The following ELAPOR2 variants were observed in gnomAD, a reference collection of about 807,000 sequenced individuals.
The protein encoded by ELAPOR2 is endosome/lysosome-associated apoptosis and autophagy regulator family member 2.
Under a neutral mutation model 120.7 loss-of-function variants are expected in ELAPOR2, and 89 were observed. The ratio of observed to expected loss-of-function variants is 0.74; its 90% confidence interval spans 0.62 to 0.88. The LOEUF is 0.88. Ranked by LOEUF, ELAPOR2 falls within the 40% of genes least tolerant of loss-of-function variation. The pLI is 0.00. For synonymous variants in ELAPOR2, 444 were observed against 444.9 expected, an observed-to-expected ratio of 1.00 and a Z score of 0.03; for missense variants, 1,134 against 1,251.6, an observed-to-expected ratio of 0.91 and a Z score of 1.42.
chr7:87,016,191 G>C (rs536265391), intron 1 of ELAPOR2, among the ~76,000 whole-genome samples: 2 of 152,232 alleles, frequency 1.3e-5, no homozygotes, highest in South Asian at 4.1e-4. Flanking sequence ...CTGTATGTTA[G>C]TGTTTATGTG....
intron 1 of ELAPOR2, among the ~76,000 whole-genome samples, chr7:86,993,416 A>G (rs1229990479): frequency 6.6e-6 from 1 of 152,098 alleles, no homozygotes; most frequent in Non-Finnish European, 1.5e-5. Context: ...CTCTAGAGGA[A>G]CAAATAGAGG....
At chr7:86,923,725 A>C (rs1789932133) in intron 10 of ELAPOR2, among the ~76,000 whole-genome samples, 1 of 152,088 alleles carries the variant, frequency 6.6e-6, no homozygotes, top group East Asian at 1.9e-4. Flanking sequence ...ATAATATTTC[A>C]TTCCATTAGG....
rs1584007910 is a variant in ELAPOR2, at chr7:87,024,181, TATG to T, written c.189+35141_189+35143del. Among the ~76,000 whole-genome samples the T allele has an allele frequency of 2.6e-5, 4 of 152,292 alleles. No individual in the cohort carries two copies. In the East Asian group the frequency reaches 7.7e-4, roughly 29 times the overall value. ...ATGCTTCCAGTTTTTGCCCATTCAG[TATG>T]ATATTGGCTGTGAGTTTGTCGTAGA... is the stretch of plus-strand genomic sequence containing the variant. On this transcript the variant is annotated intron_variant, in intron 1 of 21. Coordinates refer to ENST00000450689, the MANE Select transcript of ELAPOR2 (RefSeq NM_001142749.3).
intron 1 of ELAPOR2, among the ~76,000 whole-genome samples, chr7:87,014,833 G>A (rs985506830): frequency 6.6e-6 from 1 of 152,002 alleles, no homozygotes; most frequent in African/African-American, 2.4e-5. Context: ...AAAAACAACT[G>A]CTATGGGAGG....
intron 1 of ELAPOR2, among the ~76,000 whole-genome samples, chr7:87,057,631 C>G (rs1795304453): frequency 6.6e-6 from 1 of 152,170 alleles, no homozygotes; most frequent in African/African-American, 2.4e-5. Context: ...GTGAACCCAG[C>G]CTTCCTGAAC....
At chr7:86,976,701 G>A (rs530995648) in intron 1 of ELAPOR2, among the ~76,000 whole-genome samples, 17 of 152,196 alleles carry the variant, frequency 1.1e-4, no homozygotes, top group African/African-American at 1.9e-4. Flanking sequence ...CAAACCAACC[G>A]TCTACAGAGG....
At chr7:86,940,163 T>C (rs757045365) in intron 5 of ELAPOR2, 48 bp from the exon 6 acceptor site, 30 of 1,139,996 alleles carry the variant, frequency 2.6e-5, no homozygotes, top group Non-Finnish European at 3.7e-5. Context: ...GCCATGCCAT[T>C]TCCAAAAGCT....
chr7:86,904,164 G>A (rs1254410311), intron 18 of ELAPOR2, among the ~76,000 whole-genome samples: 1 of 152,168 alleles, frequency 6.6e-6, no homozygotes, highest in Non-Finnish European at 1.5e-5. Flanking sequence ...TCTTGTGGAT[G>A]CTGTGGCACC....
At chr7:86,951,437 TAC>T (rs1791241140) in intron 2 of ELAPOR2, among the ~76,000 whole-genome samples, 1 of 152,258 alleles carries the variant, frequency 6.6e-6, no homozygotes, top group Non-Finnish European at 1.5e-5. Flanking sequence ...GTCTTCTAAA[TAC>T]AATGATGCCA....
At chr7:87,040,107 C>A (rs1794725261) in intron 1 of ELAPOR2, among the ~76,000 whole-genome samples, 1 of 152,276 alleles carries the variant, frequency 6.6e-6, no homozygotes, top group Non-Finnish European at 1.5e-5. Flanking sequence ...CCGCACCTGG[C>A]TCGGAGGGTC....
At chr7:87,034,840 T>A (rs1562977894) in intron 1 of ELAPOR2, among the ~76,000 whole-genome samples, 2 of 152,306 alleles carry the variant, frequency 1.3e-5, no homozygotes, top group East Asian at 3.9e-4. Context: ...CCAAGCACTT[T>A]GGGAGGCCAA....
At chr7:86,932,464 T>G (rs921126301) in intron 8 of ELAPOR2, among the ~76,000 whole-genome samples, 1 of 151,806 alleles carries the variant, frequency 6.6e-6, no homozygotes, top group African/African-American at 2.4e-5. Context: ...AGGAAACATG[T>G]GAATCATGTC....
In ELAPOR2 at chr7:87,059,307, G is replaced by A; in HGVS notation, c.189+18C>T. 8.0e-7 allele frequency: 1 copy of A among 1,248,168 alleles called. No individual in the cohort carries two copies. The allele number at this position is 1,248,168 out of a possible 1,614,324, so 77.3% of individuals were successfully genotyped here. On this transcript the variant is annotated intron_variant, in intron 1 of 21. Coordinates refer to ENST00000450689, the MANE Select transcript of ELAPOR2 (RefSeq NM_001142749.3). ...CCTCCCCCAGCAAACTCCAGGTAGA[G>A]GACCAGGTGCTGCTCACCTCCTGGC...
At chr7:87,021,746 A>G (rs998217646) in intron 1 of ELAPOR2, among the ~76,000 whole-genome samples, 1 of 152,154 alleles carries the variant, frequency 6.6e-6, no homozygotes, top group Non-Finnish European at 1.5e-5. Flanking sequence ...ATTTTTCAGC[A>G]TTTTCCCAGC....
chr7:86,988,339 T>C (rs1477835234), intron 1 of ELAPOR2, among the ~76,000 whole-genome samples: 7 of 151,618 alleles, frequency 4.6e-5, no homozygotes, highest in Non-Finnish European at 7.4e-5. Context: ...GAACTTAAAG[T>C]ATAAAAAATA....
intron 2 of ELAPOR2, among the ~76,000 whole-genome samples, chr7:86,958,698 T>C (rs1470936728): frequency 6.6e-6 from 1 of 152,190 alleles, no homozygotes; most frequent in Non-Finnish European, 1.5e-5. Flanking sequence ...TTGCATCAGG[T>C]TAAAGAACTT....
intron 10 of ELAPOR2, among the ~76,000 whole-genome samples, chr7:86,922,469 T>C (rs527246289): frequency 3.3e-5 from 5 of 151,986 alleles, no homozygotes; most frequent in African/African-American, 1.2e-4. Context: ...CTTCATTACC[T>C]AGAAAAAAAA....
intron 1 of ELAPOR2, among the ~76,000 whole-genome samples, chr7:86,979,812 C>A (rs1182371859): frequency 2.0e-5 from 3 of 152,202 alleles, no homozygotes; most frequent in African/African-American, 7.2e-5. Context: ...ACAGAAGTAG[C>A]TCAGGAGACT....
chr7:86,883,023 GGTGTGTGT>G (rs55859925), intron 21 of ELAPOR2, among the ~76,000 whole-genome samples: 2,433 of 141,550 alleles, frequency 0.017, 53 homozygotes, highest in African/African-American at 0.044. Flanking sequence ...GTTTGAAAGG[GGTGTGTGT>G]GTGTGTGTGT....
Sources: gnomAD v4.1 joint callset for allele counts (sites outside exome capture counted in the v4.1 genomes callset) on GRCh38, gnomAD v4.1.1 for gene constraint, MANE v1.5 for transcripts, NCBI Gene and HGNC (gene_info 2026-07-23, HGNC 2026-07-21) for gene names.